MADD: variants seen among roughly 807,000 people sequenced by gnomAD.
MADD encodes MAP kinase-activating death domain protein.
A neutral mutation model predicts 176.7 loss-of-function variants in MADD; 109 were observed. That is an observed-to-expected ratio of 0.62 (90% confidence interval 0.53 to 0.72). MADD has a LOEUF of 0.72. MADD is among the 30% of genes least tolerant of loss of function. MADD has a pLI of 0.00. For synonymous variants in MADD, 771 were observed against 771.3 expected, an observed-to-expected ratio of 1.00 and a Z score of 0.01; for missense variants, 1,914 against 2,045.5, an observed-to-expected ratio of 0.94 and a Z score of 1.24.
Position 47,274,224 on chromosome 11 carries a change from G to A in MADD, c.62+248G>A, listed in dbSNP as rs148357072. ...CTTTATACCTCAGTTTTCTTATTTT[G>A]TAAAAAGAAAAAGTACATTATAAGC... On this transcript the variant is annotated intron_variant, in intron 2 of 32. Coordinates refer to ENST00000402192, the Ensembl canonical transcript of MADD. 2.3e-3 allele frequency among the ~76,000 whole-genome samples: 354 copies of A among 152,156 alleles called. 1 individual carries two copies. Among genetic ancestry groups the A allele is most frequent in the African/African-American group, 7.5e-3 (311 of 41,498 alleles).
intron 10 of MADD, among the ~76,000 whole-genome samples, chr11:47,283,380 A>G (rs1029448646): frequency 1.3e-5 from 2 of 152,010 alleles, no homozygotes; most frequent in African/African-American, 4.8e-5. Context: ...GGCGTGAGCC[A>G]CCGCGCCCGG....
chr11:47,310,507 A>G (rs1013409192), intron 25 of MADD, among the ~76,000 whole-genome samples: 2 of 152,056 alleles, frequency 1.3e-5, no homozygotes, highest in African/African-American at 2.4e-5. Flanking sequence ...TTTGAGATTT[A>G]TGTGGTCTCT....
intron 16 of MADD, 52 bp from the exon 18 acceptor site, chr11:47,289,815 G>T: frequency 1.3e-6 from 2 of 1,590,128 alleles, no homozygotes; most frequent in Admixed American, 1.7e-5. Context: ...AAAGGTGGGG[G>T]GTGCTCTGCA....
intron 15 of MADD, among the ~76,000 whole-genome samples, chr11:47,287,782 A>ATTTTTTTTTTTTTTT (rs57417064): frequency 7.3e-5 from 4 of 55,044 alleles, no homozygotes; most frequent in African/African-American, 2.4e-4. Flanking sequence ...AGAAACATGT[A>ATTTTTTTTTTTTTTT]TTTTTTTTTT....
intron 23 of MADD, 139 bp from the exon 26 acceptor site, chr11:47,308,841 C>T (rs1270426607): frequency 8.9e-6 from 9 of 1,016,508 alleles, no homozygotes; most frequent in South Asian, 1.4e-5. Context: ...CTGAAGCAAG[C>T]GACTTACTGG....
rs1476527833 is a variant in MADD at position 47,290,860 on chromosome 11, T to G, written c.3301+44T>G. ...GGTGTGGTGGAGGGGTCCTGGCTTCTTAAATATCCCTTTCTCCTCAATTCA... is the reference window on the plus strand; with the variant it reads ...GGTGTGGTGGAGGGGTCCTGGCTTCGTAAATATCCCTTTCTCCTCAATTCA... On this transcript the variant is annotated intron_variant, in intron 19 of 32. Coordinates refer to ENST00000402192, the Ensembl canonical transcript of MADD. 2.1e-6 allele frequency: 3 copies of G among 1,460,418 alleles called. No homozygotes were observed. In the East Asian group the frequency reaches 7.0e-5, roughly 34 times the overall value. The allele number at this position is 1,460,418 out of a possible 1,614,324, so 90.5% of individuals were successfully genotyped here.
exon 2 of MADD, chr11:47,273,897 A>G (rs369986793): frequency 1.2e-6 from 2 of 1,612,598 alleles, no homozygotes; most frequent in African/African-American, 2.7e-5. Flanking sequence ...CTCTGAGATA[A>G]ACTGATGAAT....
chr11:47,315,276 A>G, exon 27 of MADD: 2 of 1,613,936 alleles, frequency 1.2e-6, no homozygotes, highest in Non-Finnish European at 1.7e-6. Context: ...AGAAGCAGAC[A>G]TTTGTGGTAC....
intron 22 of MADD, among the ~76,000 whole-genome samples, chr11:47,297,449 T>C (rs2139504317): frequency 6.6e-6 from 1 of 151,428 alleles, no homozygotes; most frequent in South Asian, 2.1e-4. Context: ...TCTTTTCTTT[T>C]CTTTTTTTTT....
chr11:47,328,801 G>C (rs1379012389), intron 32 of MADD, 97 bp downstream of exon 36: 1 of 1,506,384 alleles, frequency 6.6e-7, no homozygotes, highest in East Asian at 2.3e-5. Context: ...GCGCACAGGG[G>C]TGAGTGGGGA....
chr11:47,311,283 CTG>C lies in MADD; in HGVS notation c.3979-446_3979-445del, dbSNP rs377495770. Among the ~76,000 whole-genome samples the C allele has an allele frequency of 6.6e-3, 1,001 of 152,144 alleles. 10 individuals are homozygous for C. Among genetic ancestry groups the C allele is most frequent in the African/African-American group, 0.022 (919 of 41,534 alleles). ...TTCCTGGTGTAAGTTGCACTGTACT[CTG>C]TGGAATTTGGAGGGTACCAGTTGAC... On this transcript the variant is annotated intron_variant, in intron 25 of 32. Coordinates refer to ENST00000402192, the Ensembl canonical transcript of MADD.
chr11:47,282,681 T>C (rs893984736), intron 9 of MADD, 65 bp downstream of exon 9: 56 of 1,594,256 alleles, frequency 3.5e-5, no homozygotes, highest in African/African-American at 2.3e-4. Context: ...GACTTTGATT[T>C]TTCCTTTGCT....
chr11:47,289,123 T>A, intron 15 of MADD, 96 bp downstream of exon 16: 1 of 1,233,414 alleles, frequency 8.1e-7, no homozygotes, highest in Non-Finnish European at 1.1e-6. Flanking sequence ...GCAAGCAGCG[T>A]CACATGAGTG....
intron 26 of MADD, among the ~76,000 whole-genome samples, chr11:47,313,803 G>A (rs1245524574): frequency 6.6e-6 from 1 of 151,094 alleles, no homozygotes; most frequent in Non-Finnish European, 1.5e-5. Context: ...TCTGTCACCC[G>A]GGCTGGAGTG....
chr11:47,271,316 A>T (rs182812141), intron 1 of MADD, among the ~76,000 whole-genome samples: 1 of 152,020 alleles, frequency 6.6e-6, no homozygotes, highest in Non-Finnish European at 1.5e-5. Context: ...GGGAGGGGAG[A>T]GAGGAGAGAA....
chr11:47,275,898 G>C lies in MADD; in HGVS notation c.660-1G>C. ...TCTGATTCCTGCTGTCTGCTTCTCA[G>C]GGACACCATGTGGCGGATCTTTACT... is the stretch of plus-strand genomic sequence containing the variant. On this transcript the variant is annotated splice_acceptor_variant, in intron 3 of 32. Coordinates refer to ENST00000402192, the Ensembl canonical transcript of MADD. LOFTEE classifies it high-confidence loss of function. 1 of 1,602,748 alleles carries C rather than the reference G, an allele frequency of 6.2e-7. No individual in the cohort carries two copies. The highest frequency in any genetic ancestry group is 8.5e-7 in the Non-Finnish European group (1 of 1,171,046).
chr11:47,309,838 CTTTTTT>C (rs60488949), intron 25 of MADD, among the ~76,000 whole-genome samples: 6 of 143,656 alleles, frequency 4.2e-5, no homozygotes, highest in Non-Finnish European at 6.1e-5. Flanking sequence ...TGATGATTCT[CTTTTTT>C]TTTTTTTTTT....
At chr11:47,302,781 C>T (rs2140166086) in intron 22 of MADD, among the ~76,000 whole-genome samples, 1 of 151,920 alleles carries the variant, frequency 6.6e-6, no homozygotes, top group Admixed American at 6.6e-5. Context: ...TGTGGACTTA[C>T]TTCTGTTGTT....
chr11:47,290,386 G>A (rs1007918270), intron 18 of MADD, 87 bp downstream of exon 19: 34 of 1,506,224 alleles, frequency 2.3e-5, no homozygotes, highest in Non-Finnish European at 2.7e-5. Context: ...CCCAGGACAC[G>A]TTTCCCAGTG....
Sources: gnomAD v4.1 joint callset for allele counts (sites outside exome capture counted in the v4.1 genomes callset) on GRCh38, gnomAD v4.1.1 for gene constraint, MANE v1.5 for transcripts, NCBI Gene and HGNC (gene_info 2026-07-23, HGNC 2026-07-21) for gene names.